NXPE1: variants seen among roughly 807,000 people sequenced by gnomAD.
NXPE1 encodes neurexophilin and PC-esterase domain family member 1, also known as NXPE family member 1.
A neutral mutation model predicts 33.3 loss-of-function variants in NXPE1; 31 were observed. That is an observed-to-expected ratio of 0.93 (90% CI 0.70 to 1.26). The LOEUF (loss-of-function observed/expected upper bound fraction) is 1.26, where lower values mean the gene tolerates loss of function less well. NXPE1 is among the 50% of genes most tolerant of loss of function. The pLI is 0.00. For missense variants in NXPE1, 661 were observed against 655.6 expected, an observed-to-expected ratio of 1.01 and a Z score of -0.09; for synonymous variants, 229 against 231.4, an observed-to-expected ratio of 0.99 and a Z score of 0.09.
chr11:114,522,911 T>C, exon 8 of NXPE1: 1 of 1,613,318 alleles, frequency 6.2e-7, no homozygotes. Flanking sequence ...GTAGATCCAC[T>C]GACGTAGTGT....
At chr11:114,554,637 T>A (rs1229855711) in intron 1 of NXPE1, among the ~76,000 whole-genome samples, 1 of 152,104 alleles carries the variant, frequency 6.6e-6, no homozygotes, top group Non-Finnish European at 1.5e-5. Context: ...TTACAGTAAT[T>A]TCAAAGCAAT....
chr11:114,540,574 T>C (rs1948055101), intron 5 of NXPE1, among the ~76,000 whole-genome samples: 1 of 152,156 alleles, frequency 6.6e-6, no homozygotes, highest in Non-Finnish European at 1.5e-5. Context: ...GAAATAATTT[T>C]TTTTTAAGTA....
chr11:114,523,146 C>T (rs1166327929), intron 7 of NXPE1, 55 bp from the exon 8 acceptor site: 2 of 1,284,666 alleles, frequency 1.6e-6, no homozygotes, highest in African/African-American at 1.5e-5. Flanking sequence ...GACATCTAGC[C>T]TTCTTTCCTG....
intron 1 of NXPE1, among the ~76,000 whole-genome samples, chr11:114,553,468 G>C (rs1188979555): frequency 5.9e-5 from 9 of 152,196 alleles, no homozygotes; most frequent in Non-Finnish European, 1.3e-4. Flanking sequence ...GCTCCTTTGA[G>C]AGTGGCCAGA....
At chr11:114,541,518 T>C (rs567020055) in intron 5 of NXPE1, among the ~76,000 whole-genome samples, 1 of 152,344 alleles carries the variant, frequency 6.6e-6, no homozygotes, top group Admixed American at 6.5e-5. Context: ...CCACGACACG[T>C]GACACAGCCG....
At chr11:114,550,578 T>G (rs7937917) in intron 5 of NXPE1, among the ~76,000 whole-genome samples, 2,087 of 152,218 alleles carry the variant, frequency 0.014, 50 homozygotes, top group African/African-American at 0.048. Context: ...AAATTCCAAG[T>G]GGATCAGATA....
At chr11:114,526,578 T>A (rs1347589430) in intron 7 of NXPE1, 1 of 152,212 alleles carries the variant, frequency 6.6e-6, no homozygotes, top group Admixed American at 6.5e-5. Context: ...ATCCTCAGCA[T>A]GACACTTGAG....
intron 1 of NXPE1, among the ~76,000 whole-genome samples, chr11:114,556,421 A>G (rs995547330): frequency 6.6e-6 from 1 of 152,142 alleles, no homozygotes; most frequent in Non-Finnish European, 1.5e-5. Flanking sequence ...ATTTGAGAGT[A>G]GATTTCAGGG....
In NXPE1 at chr11:114,551,453, G is replaced by A. The variant is rs1948479871; in HGVS notation, c.-69-12C>T. ...CTCCTTCCAGGACCCTGAAATGGAA[G>A]TCAAAGTCACCTTATAGGTTCTCTT... On this transcript the variant is annotated splice_polypyrimidine_tract_variant and intron_variant, in intron 3 of 8. Transcript: ENST00000534921. 1 of 1,232,256 alleles carries A rather than the reference G, an allele frequency of 8.1e-7. No individual in the cohort carries two copies. The allele number at this position is 1,232,256 out of a possible 1,614,324, so 76.3% of individuals were successfully genotyped here. A position where few individuals can be genotyped will look rare whatever the true frequency, so the allele number is the denominator to read the frequency against.
At chr11:114,523,139 A>T (rs1478738186) in intron 7 of NXPE1, 48 bp from the exon 8 acceptor site, 1 of 1,352,896 alleles carries the variant, frequency 7.4e-7, no homozygotes, top group East Asian at 2.3e-5. Context: ...AAACTTAGAC[A>T]TCTAGCCTTC....
At chr11:114,522,468 A>T in exon 9 of NXPE1, 1 of 1,608,914 alleles carries the variant, frequency 6.2e-7, no homozygotes, top group South Asian at 1.1e-5. Context: ...TGTTTCTTAA[A>T]GATTCCAGTT....
At chr11:114,530,247 G>C (rs759716088) in exon 6 of NXPE1, 1 of 1,614,128 alleles carries the variant, frequency 6.2e-7, no homozygotes, top group Non-Finnish European at 8.5e-7. Flanking sequence ...GTAGGTCAGA[G>C]CCTCACAGGG....
chr11:114,532,685 CTT>C (rs1947626521), intron 5 of NXPE1, among the ~76,000 whole-genome samples: 1 of 152,022 alleles, frequency 6.6e-6, no homozygotes, highest in Admixed American at 6.6e-5. Flanking sequence ...ATGGAGATGA[CTT>C]TTAAATTCTC....
intron 6 of NXPE1, chr11:114,528,789 G>A (rs997140174): frequency 4.4e-6 from 3 of 676,126 alleles, no homozygotes; most frequent in African/African-American, 3.5e-5. Context: ...ACAGATATAA[G>A]TGGTACCTGA....
chr11:114,532,466 A>C (rs1464122078), intron 5 of NXPE1, among the ~76,000 whole-genome samples: 1 of 152,172 alleles, frequency 6.6e-6, no homozygotes, highest in Non-Finnish European at 1.5e-5. Context: ...TAACAGTAAG[A>C]ATAAGAATAT....
At chr11:114,522,330 C>T in exon 9 of NXPE1, 1 of 1,614,098 alleles carries the variant, frequency 6.2e-7, no homozygotes, top group Non-Finnish European at 8.5e-7. Context: ...TTTTTGTCAC[C>T]TGATAGCCGG....
intron 7 of NXPE1, chr11:114,526,542 T>C (rs1253446186): frequency 3.3e-5 from 5 of 152,204 alleles, no homozygotes; most frequent in African/African-American, 2.4e-5. Flanking sequence ...TTCTGTGGCT[T>C]TCAAGTCTAC....
chr11:114,536,836 C>G (rs111908646), intron 5 of NXPE1, among the ~76,000 whole-genome samples: 4 of 152,108 alleles, frequency 2.6e-5, no homozygotes. Context: ...GATTCACAGC[C>G]GAATTCTACC....
Position 114,530,168 on chromosome 11 carries a change from T to A in NXPE1, c.833+7A>T, listed in dbSNP as rs1187741969. 1 of 1,591,044 alleles carries A rather than the reference T, an allele frequency of 6.3e-7. No homozygotes were observed. Among genetic ancestry groups the A allele is most frequent in the East Asian group, 2.2e-5 (1 of 44,766 alleles). Reference sequence around the variant, plus strand: ...CACTTCTCAGTATACATGAAAAGTATACTCACCTGTGGAAAAGGCTGTTTT... The same window carrying A: ...CACTTCTCAGTATACATGAAAAGTAAACTCACCTGTGGAAAAGGCTGTTTT... On this transcript the variant is annotated splice_region_variant and intron_variant, in intron 6 of 8. Coordinates refer to ENST00000534921, the Ensembl canonical transcript of NXPE1.
Sources: gnomAD v4.1 joint callset for allele counts (sites outside exome capture counted in the v4.1 genomes callset) on GRCh38, gnomAD v4.1.1 for gene constraint, MANE v1.5 for transcripts, NCBI Gene and HGNC (gene_info 2026-07-23, HGNC 2026-07-21) for gene names.